The following GABBR2 variants were observed in gnomAD, a reference collection of about 807,000 sequenced individuals.
GABBR2 encodes the protein G-protein coupled receptor 51.
In GABBR2, 23 loss-of-function variants were observed where a neutral mutation model predicts 105.6. The ratio of observed to expected loss-of-function variants is 0.22; its 90% CI spans 0.16 to 0.31. GABBR2 has a LOEUF of 0.31. Ranked by LOEUF, GABBR2 falls within the 10% of genes least tolerant of loss-of-function variation. The pLI is 1.00. For synonymous variants in GABBR2, 478 were observed against 499.7 expected (o/e 0.96, Z 0.58); for missense variants, 734 against 1,245.5 (o/e 0.59, Z 6.18).
At chr9:98,588,857 T>C (rs1028647667) in intron 1 of GABBR2, among the ~76,000 whole-genome samples, 1 of 152,196 alleles carries the variant, frequency 6.6e-6, no homozygotes, top group African/African-American at 2.4e-5. Context: ...TCTGTGCTCT[T>C]TTCCATCCAC....
chr9:98,560,674 G>A lies in GABBR2; in HGVS notation c.459+17261C>T, dbSNP rs576360239. Among the ~76,000 whole-genome samples, 326 of 150,578 alleles carry A rather than the reference G, an allele frequency of 2.2e-3. 2 individuals are homozygous for A. The highest frequency in any genetic ancestry group is 7.0e-3 in the Middle Eastern group (2 of 284). On this transcript the variant is annotated intron_variant, in intron 2 of 18. Transcript: ENST00000259455. ...CAAAGAAGTTGAAACAATAGCATGA[G>A]GAATACTTTCACTTAGATTCACCAT... is the stretch of plus-strand genomic sequence containing the variant.
chr9:98,595,119 T>C (rs1484014533), intron 1 of GABBR2, among the ~76,000 whole-genome samples: 1 of 152,142 alleles, frequency 6.6e-6, no homozygotes, highest in Non-Finnish European at 1.5e-5. Context: ...CCCACCGTTC[T>C]GGAGGCCAGA....
chr9:98,475,098 T>C (rs1389973589), intron 5 of GABBR2, among the ~76,000 whole-genome samples: 1 of 152,162 alleles, frequency 6.6e-6, no homozygotes, highest in Non-Finnish European at 1.5e-5. Context: ...ACACTGTCTC[T>C]TCACTAGACT....
chr9:98,650,202 T>G (rs1466538759), intron 1 of GABBR2, among the ~76,000 whole-genome samples: 1 of 152,208 alleles, frequency 6.6e-6, no homozygotes, highest in Non-Finnish European at 1.5e-5. Flanking sequence ...TGTCACTGAA[T>G]AATGCCCTAG....
At chr9:98,506,031 C>A (rs117079005) in intron 3 of GABBR2, among the ~76,000 whole-genome samples, 43 of 152,258 alleles carry the variant, frequency 2.8e-4, no homozygotes, top group Non-Finnish European at 4.7e-4. Context: ...GAATGGAACC[C>A]CAGTTTCCCT....
chr9:98,596,545 C>T (rs1829237442), intron 1 of GABBR2, among the ~76,000 whole-genome samples: 1 of 152,122 alleles, frequency 6.6e-6, no homozygotes, highest in Non-Finnish European at 1.5e-5. Context: ...ATCCTCAAAG[C>T]CCCCCTCCCA....
intron 6 of GABBR2, among the ~76,000 whole-genome samples, chr9:98,457,212 G>C (rs1156318427): frequency 1.3e-5 from 2 of 152,196 alleles, no homozygotes; most frequent in African/African-American, 4.8e-5. Flanking sequence ...GCATTCGAGG[G>C]TTGGTGGTGT....
At chr9:98,444,141 T>A (rs969613498) in intron 7 of GABBR2, among the ~76,000 whole-genome samples, 2 of 152,220 alleles carry the variant, frequency 1.3e-5, no homozygotes, top group African/African-American at 4.8e-5. Flanking sequence ...ATTTAAATCA[T>A]CTGTTCATTA....
chr9:98,294,240 C>T (rs1824812694), intron 17 of GABBR2, among the ~76,000 whole-genome samples: 1 of 152,100 alleles, frequency 6.6e-6, no homozygotes, highest in Non-Finnish European at 1.5e-5. Flanking sequence ...TTCACAGGCA[C>T]ATAGGGATGT....
chr9:98,447,707 G>C (rs1173961532), intron 7 of GABBR2, among the ~76,000 whole-genome samples: 1 of 152,136 alleles, frequency 6.6e-6, no homozygotes, highest in East Asian at 1.9e-4. Flanking sequence ...GGAACCTGTT[G>C]GTTTTCTCTG....
chr9:98,522,006 T>G (rs1384547154), intron 3 of GABBR2, among the ~76,000 whole-genome samples: 2 of 151,944 alleles, frequency 1.3e-5, no homozygotes, highest in Non-Finnish European at 2.9e-5. Flanking sequence ...GGATTCTAAA[T>G]CTAAAAAATA....
chr9:98,586,826 C>T (rs1369994655), intron 1 of GABBR2, among the ~76,000 whole-genome samples: 3 of 152,128 alleles, frequency 2.0e-5, no homozygotes, highest in Non-Finnish European at 4.4e-5. Flanking sequence ...AATATGCCAC[C>T]GTTTGTTTGT....
chr9:98,340,430 CTCTT>C (rs1341303254), intron 13 of GABBR2, among the ~76,000 whole-genome samples: 1 of 146,580 alleles, frequency 6.8e-6, no homozygotes, highest in African/African-American at 2.7e-5. Context: ...TTCTCTCTCT[CTCTT>C]TTTTTTTTTG....
At chr9:98,626,379 A>ATGGG (rs1225808509) in intron 1 of GABBR2, among the ~76,000 whole-genome samples, 2 of 152,232 alleles carry the variant, frequency 1.3e-5, no homozygotes, top group Non-Finnish European at 2.9e-5. Flanking sequence ...CACATTTTAA[A>ATGGG]TGGGTGAATT....
chr9:98,349,708 A>G (rs1337747103), intron 13 of GABBR2, among the ~76,000 whole-genome samples: 1 of 152,006 alleles, frequency 6.6e-6, no homozygotes, highest in Non-Finnish European at 1.5e-5. Context: ...ATTGGTCTGC[A>G]GTTTTCTTTT....
chr9:98,689,541 A>AAG (rs1830660127), intron 1 of GABBR2, among the ~76,000 whole-genome samples: 1 of 152,284 alleles, frequency 6.6e-6, no homozygotes, highest in African/African-American at 2.4e-5. Context: ...GTAGACAATA[A>AAG]CCCAGGATTC....
At chr9:98,331,940 G>A (rs1831034311) in intron 13 of GABBR2, among the ~76,000 whole-genome samples, 1 of 152,156 alleles carries the variant, frequency 6.6e-6, no homozygotes, top group Admixed American at 6.5e-5. Context: ...TGGACAAAAA[G>A]GTAGCAAAGA....
chr9:98,508,705 G>A (rs186882253), intron 3 of GABBR2, among the ~76,000 whole-genome samples: 36 of 152,322 alleles, frequency 2.4e-4, no homozygotes, highest in African/African-American at 7.7e-4. Flanking sequence ...AGGCAACAGC[G>A]AGGCTGGGGG....
rs778393355 is a variant in GABBR2 at position 98,625,163 on chromosome 9, ACCCAGCCCATGC to A, written c.322-47103_322-47092del. ...AGAGGGCCCCACAAAGGGGGCTATAACCCAGCCCATGCCCCAGTTGCCACACGGCATGCCCAC... is the reference window on the plus strand; with the variant it reads ...AGAGGGCCCCACAAAGGGGGCTATAACCCAGTTGCCACACGGCATGCCCAC... On this transcript the variant is annotated intron_variant, in intron 1 of 18. Coordinates refer to ENST00000259455, the MANE Select transcript of GABBR2 (RefSeq NM_005458.8). 2.3e-3 allele frequency among the ~76,000 whole-genome samples: 357 copies of A among 152,302 alleles called. 2 individuals carry two copies. The highest frequency in any genetic ancestry group is 1.6e-3 in the Non-Finnish European group (110 of 68,012).
Sources: gnomAD v4.1 joint callset for allele counts (sites outside exome capture counted in the v4.1 genomes callset) on GRCh38, gnomAD v4.1.1 for gene constraint, MANE v1.5 for transcripts, NCBI Gene and HGNC (gene_info 2026-07-23, HGNC 2026-07-21) for gene names.